LIPA: variants seen among roughly 807,000 people sequenced by gnomAD.
LIPA encodes the protein lipase A, lysosomal acid type, also known as lysosomal acid lipase/cholesteryl ester hydrolase.
A neutral mutation model predicts 40.6 loss-of-function variants in LIPA; 26 were observed. The observed-to-expected ratio is 0.64, with a 90% CI of 0.47 to 0.89. The LOEUF is 0.89. Among genes scored for constraint, LIPA ranks in the 40% least tolerant of loss-of-function variants. LIPA has a pLI of 0.00. For synonymous variants in LIPA, 188 were observed against 168.4 expected (o/e 1.12, Z -0.90); for missense variants, 455 against 479.6 (o/e 0.95, Z 0.48).
chr10:89,320,671 C>T (rs921882823), intron 1 of LIPA, among the ~76,000 whole-genome samples: 1 of 152,156 alleles, frequency 6.6e-6, no homozygotes, highest in Non-Finnish European at 1.5e-5. Context: ...TCATGCCATC[C>T]CCATCAAACT....
At chr10:89,328,070 A>G in intron 1 of LIPA, 1 of 1,614,014 alleles carries the variant, frequency 6.2e-7, no homozygotes. Context: ...CACAGAGGGC[A>G]GTCATGAGGT....
At chr10:89,363,124 TA>T in intron 2 of LIPA, 2 of 226,304 alleles carry the variant, frequency 8.8e-6, no homozygotes, top group Non-Finnish European at 9.9e-6. Context: ...CTTCTGCTCT[TA>T]AAAATGGCCT....
Position 89,394,029 on chromosome 10 carries a change from T to A in LIPA, c.61+18762A>T, listed in dbSNP as rs572877885. ...TCTCAAAAGATACTTATAAGGCAGG[T>A]ACTTACACAGTCATGCATCGTGTAA... On this transcript the variant is annotated intron_variant, in intron 2 of 8. Coordinates refer to the LIPA transcript ENST00000371837. Among the ~76,000 whole-genome samples, 29 of 152,336 alleles carry A rather than the reference T, an allele frequency of 1.9e-4. 2 individuals are homozygous for A. The highest frequency in any genetic ancestry group is 3.4e-3 in the Middle Eastern group (1 of 294).
intron 1 of LIPA, among the ~76,000 whole-genome samples, chr10:89,272,931 T>C (rs1207203430): frequency 6.6e-6 from 1 of 152,252 alleles, no homozygotes; most frequent in African/African-American, 2.4e-5. Flanking sequence ...TTGCCCACTT[T>C]TTAATGGAGT....
chr10:89,396,618 C>T (rs538249562), intron 2 of LIPA, among the ~76,000 whole-genome samples: 1 of 152,316 alleles, frequency 6.6e-6, no homozygotes, highest in Admixed American at 6.5e-5. Context: ...CTCTATGATC[C>T]AAACACATCC....
intron 2 of LIPA, among the ~76,000 whole-genome samples, chr10:89,386,033 T>G (rs1431830766): frequency 1.3e-5 from 2 of 152,182 alleles, no homozygotes; most frequent in Admixed American, 6.5e-5. Flanking sequence ...TTTATAATTT[T>G]TATTTATTTA....
At chr10:89,284,502 T>A (rs1843331632) in intron 1 of LIPA, 1 of 152,218 alleles carries the variant, frequency 6.6e-6, no homozygotes, top group Non-Finnish European at 1.5e-5. Flanking sequence ...CTTTGCATTT[T>A]GCTCTTAGTT....
rs868651494 is a variant in LIPA at position 89,248,619 on chromosome 10, C to T, written c.-1-970G>A. 2.7e-4 allele frequency among the ~76,000 whole-genome samples: 41 copies of T among 149,954 alleles called. 1 individual carries two copies. Among genetic ancestry groups the T allele is most frequent in the Admixed American group, 2.2e-3 (33 of 15,076 alleles). On this transcript the variant is annotated intron_variant, in intron 1 of 9. Transcript: ENST00000336233. ...ACTCCCAGGTAGCTGGGACTACAGG[C>T]GCCCGCCACCACGCCCGGCAAATTT...
chr10:89,226,600 T>C (rs966528664), intron 5 of LIPA, among the ~76,000 whole-genome samples: 10 of 152,204 alleles, frequency 6.6e-5, no homozygotes, highest in African/African-American at 2.4e-4. Context: ...TTTATGTAAG[T>C]CTCTGAACTT....
intron 1 of LIPA, among the ~76,000 whole-genome samples, chr10:89,274,653 G>A (rs1303740278): frequency 6.6e-6 from 1 of 152,158 alleles, no homozygotes. Flanking sequence ...CCCGTTTATT[G>A]CTGCTGAAAT....
At chr10:89,324,103 A>C (rs1843586970) in intron 1 of LIPA, among the ~76,000 whole-genome samples, 2 of 152,144 alleles carry the variant, frequency 1.3e-5, no homozygotes, top group African/African-American at 4.8e-5. Flanking sequence ...CAGAATAGAG[A>C]GCCCATGTTA....
intron 1 of LIPA, chr10:89,306,946 T>G: frequency 6.2e-7 from 1 of 1,614,052 alleles, no homozygotes; most frequent in African/African-American, 1.3e-5. Flanking sequence ...ATGAGGCCAA[T>G]GATAATCTCT....
intron 2 of LIPA, among the ~76,000 whole-genome samples, chr10:89,409,429 C>G (rs1407772830): frequency 6.6e-6 from 1 of 151,764 alleles, no homozygotes; most frequent in African/African-American, 2.4e-5. Context: ...TTAAAAAAGA[C>G]TGTCCAAACA....
intron 1 of LIPA, among the ~76,000 whole-genome samples, chr10:89,316,293 G>C (rs1434305509): frequency 6.6e-6 from 1 of 152,226 alleles, no homozygotes; most frequent in African/African-American, 2.4e-5. Context: ...GAAGTGCAAG[G>C]AGTCAGGGAA....
intron 2 of LIPA, among the ~76,000 whole-genome samples, chr10:89,395,560 G>A (rs1376417364): frequency 2.0e-5 from 3 of 152,106 alleles, no homozygotes; most frequent in African/African-American, 7.2e-5. Context: ...TTCCGAGAGA[G>A]TGGCTGTCTC....
Position 89,376,669 on chromosome 10 carries a change from C to T in LIPA, c.61+36122G>A, listed in dbSNP as rs367837145. Reference sequence around the variant, plus strand: ...AATACGAATATTTTCCAACTGGATTCGAAAATAATCAAGCAGCCCCTTAAA... The same window carrying T: ...AATACGAATATTTTCCAACTGGATTTGAAAATAATCAAGCAGCCCCTTAAA... On this transcript the variant is annotated intron_variant, in intron 2 of 8. Coordinates refer to the LIPA transcript ENST00000371837. Among the ~76,000 whole-genome samples, 7 of 152,164 alleles carry T rather than the reference C, an allele frequency of 4.6e-5. No homozygotes were observed. In the East Asian group the frequency reaches 7.7e-4, roughly 17 times the overall value.
At chr10:89,312,636 A>C (rs2133527439) in intron 1 of LIPA, among the ~76,000 whole-genome samples, 1 of 151,492 alleles carries the variant, frequency 6.6e-6, no homozygotes, top group African/African-American at 2.4e-5. Flanking sequence ...GTGAAACCCC[A>C]TCTCTACTAA....
At chr10:89,236,866 G>C (rs1441026391) in intron 3 of LIPA, among the ~76,000 whole-genome samples, 1 of 152,250 alleles carries the variant, frequency 6.6e-6, no homozygotes, top group Non-Finnish European at 1.5e-5. Context: ...TCAAGAAAAA[G>C]CAAAGTCATT....
intron 1 of LIPA, among the ~76,000 whole-genome samples, chr10:89,326,806 C>CA (rs1271676705): frequency 2.6e-5 from 4 of 152,030 alleles, no homozygotes; most frequent in Admixed American, 6.6e-5. Flanking sequence ...CTAATGTTGA[C>CA]AAAAAAAGTC....
Sources: allele counts gnomAD v4.1 joint callset (sites outside exome capture counted in the v4.1 genomes callset), GRCh38; gene constraint gnomAD v4.1.1; transcripts MANE v1.5; gene names NCBI Gene and HGNC (gene_info 2026-07-23, HGNC 2026-07-21).